The following CFI variants were observed in gnomAD, a reference collection of about 807,000 sequenced individuals.
CFI encodes C3B/C4B inactivator.
CFI carries 66 observed loss-of-function variants against 78.8 expected under a neutral mutation model. The ratio of observed to expected loss-of-function variants is 0.84; its 90% CI spans 0.69 to 1.03. CFI has a LOEUF of 1.03. Among genes scored for constraint, CFI ranks in the 50% least tolerant of loss-of-function variants. CFI has a pLI of 0.00. For missense variants in CFI, 706 were observed against 704.5 expected (o/e 1.00, Z -0.02); for synonymous variants, 250 against 232.6 (o/e 1.07, Z -0.68).
chr4:109,753,213 T>TTCTTA (rs1336216866), intron 7 of CFI, among the ~76,000 whole-genome samples: 1 of 4,816 alleles, frequency 2.1e-4, no homozygotes, highest in African/African-American at 2.6e-4. Flanking sequence ...TAATATATAT[T>TTCTTA]TATAATATAT....
At chr4:109,775,877 T>C (rs1729164133) in intron 1 of CFI, among the ~76,000 whole-genome samples, 1 of 152,006 alleles carries the variant, frequency 6.6e-6, no homozygotes, top group Non-Finnish European at 1.5e-5. Flanking sequence ...GCAAACAGGG[T>C]CTGTAGTGGA....
chr4:109,751,047 T>C (rs1340358080), intron 8 of CFI, among the ~76,000 whole-genome samples: 2 of 152,188 alleles, frequency 1.3e-5, no homozygotes, highest in East Asian at 1.9e-4. Context: ...GGATCCACCA[T>C]CTTGTCTCAC....
intron 8 of CFI, among the ~76,000 whole-genome samples, chr4:109,752,189 T>A (rs1725228632): frequency 6.6e-6 from 1 of 152,300 alleles, no homozygotes; most frequent in Middle Eastern, 3.4e-3. Context: ...CCTGACAAAG[T>A]TCGTTTTAAA....
intron 1 of CFI, among the ~76,000 whole-genome samples, chr4:109,781,945 G>C (rs973161219): frequency 6.6e-6 from 1 of 151,920 alleles, no homozygotes; most frequent in African/African-American, 2.4e-5. Context: ...AAAAGCATTC[G>C]ACAAAATCTA....
chr4:109,775,774 C>T (rs977530283), intron 1 of CFI, among the ~76,000 whole-genome samples: 1 of 152,120 alleles, frequency 6.6e-6, no homozygotes, highest in Non-Finnish European at 1.5e-5. Flanking sequence ...CCTCATACAG[C>T]CGAGTGCCCC....
intron 1 of CFI, among the ~76,000 whole-genome samples, chr4:109,795,217 C>T (rs1210010794): frequency 3.3e-5 from 5 of 152,150 alleles, no homozygotes; most frequent in African/African-American, 4.8e-5. Flanking sequence ...CACACAGTGA[C>T]GGTGGCACCA....
chr4:109,733,868 C>T, the CFI span, among the ~76,000 whole-genome samples: 4 of 152,138 alleles, frequency 2.6e-5, no homozygotes, highest in African/African-American at 9.7e-5. Flanking sequence ...ATAGAAATGG[C>T]TTTTAAAGTC....
intron 7 of CFI, 54 bp from the exon 8 acceptor site, chr4:109,752,557 G>T: frequency 6.9e-7 from 1 of 1,447,746 alleles, no homozygotes; most frequent in Non-Finnish European, 9.7e-7. Context: ...TAGTCAAAAT[G>T]AAATCATTAA....
At chr4:109,760,979 G>C (rs1210176828) in intron 4 of CFI, among the ~76,000 whole-genome samples, 1 of 152,142 alleles carries the variant, frequency 6.6e-6, no homozygotes, top group Non-Finnish European at 1.5e-5. Flanking sequence ...CTACTCCCAA[G>C]ACTTGCTTGG....
chr4:109,797,391 G>A (rs1732186227), intron 1 of CFI, among the ~76,000 whole-genome samples: 1 of 152,164 alleles, frequency 6.6e-6, no homozygotes, highest in Non-Finnish European at 1.5e-5. Flanking sequence ...AACTGAAATT[G>A]GACCCCTATA....
At chr4:109,782,645 A>G (rs960052631) in intron 1 of CFI, among the ~76,000 whole-genome samples, 3 of 151,898 alleles carry the variant, frequency 2.0e-5, no homozygotes, top group African/African-American at 7.3e-5. Flanking sequence ...CCAAAATACC[A>G]CCATCACTTT....
At chr4:109,774,838 G>A (rs1311027722) in intron 1 of CFI, among the ~76,000 whole-genome samples, 1 of 152,080 alleles carries the variant, frequency 6.6e-6, no homozygotes, top group Non-Finnish European at 1.5e-5. Flanking sequence ...CTTCTGCTGG[G>A]TTTGCATATA....
Position 109,760,332 on chromosome 4 carries a change from C to A in CFI, c.821G>T (p.Ser274Ile). 1 of 1,614,174 alleles carries A rather than the reference C, an allele frequency of 6.2e-7. No homozygotes were observed. The highest frequency in any genetic ancestry group is 8.5e-7 in the Non-Finnish European group (1 of 1,180,008). ...FHCKSGVCIP[S>I]QYQCNGEVDC... is the part of the protein sequence containing the mutation. The stretch of plus-strand genomic sequence containing the variant: ...CACCTCACCATTGCATTGATACTGG[C>A]TTGGAATGCAAACACCCGATTTGCA... The change falls in exon 6 of 13, where the codon AGC becomes ATC. Residue 274 changes from serine (S) to isoleucine (I), a missense_variant. By Grantham distance (142) the Ser-to-Ile change is moderately radical (BLOSUM62 -2). Transcript: ENST00000394634.
chr4:109,761,160 A>G (rs921686045), intron 4 of CFI, among the ~76,000 whole-genome samples: 2 of 152,208 alleles, frequency 1.3e-5, no homozygotes. Flanking sequence ...GGTCACTTAA[A>G]GGTTTTAAAT....
At chr4:109,740,640 T>A, downstream of CFI, 2 of 485,024 alleles carry the variant, frequency 4.1e-6, no homozygotes, top group Non-Finnish European at 7.5e-6. Flanking sequence ...CTTCAGTCAA[T>A]AAATCACTCC....
At chr4:109,787,128 C>G (rs1008867108) in intron 1 of CFI, among the ~76,000 whole-genome samples, 4 of 152,036 alleles carry the variant, frequency 2.6e-5, no homozygotes, top group African/African-American at 9.7e-5. Flanking sequence ...AGTTGTATAC[C>G]ACTGAGATTA....
In CFI at chr4:109,746,474, A is replaced by G. The variant is rs1724467156; in HGVS notation, c.1177T>C (p.Trp393Arg). Residue 393 changes from tryptophan (W) to arginine (R), a missense_variant, in exon 11 of 13, where the codon TGG (tryptophan) becomes CGG (arginine). Physicochemically the swap from Trp to Arg is moderately radical, Grantham distance 101. Transcript: ENST00000394634. ...TGTATCCAGTCTACTACTGTTGTCCATATTTGGTAACGATGAGTTTTACTG... is the reference window on the plus strand; with the variant it reads ...TGTATCCAGTCTACTACTGTTGTCCGTATTTGGTAACGATGAGTTTTACTG... ...RASKTHRYQI[W>R]TTVVDWIHPD... The G allele has an allele frequency of 2.5e-6, 4 of 1,612,838 alleles. No homozygotes were observed. The highest frequency in any genetic ancestry group is 1.3e-5 in the African/African-American group (1 of 74,814).
chr4:109,753,750 T>C (rs1298277486), intron 7 of CFI, among the ~76,000 whole-genome samples: 85 of 118,050 alleles, frequency 7.2e-4, no homozygotes, highest in African/African-American at 2.9e-3. Flanking sequence ...TATTATCTAA[T>C]GTATAATTTT....
Position 109,764,681 on chromosome 4 carries a change from C to T in CFI, c.338G>A (p.Ser113Asn), listed in dbSNP as rs150610189. 26 of 1,613,296 alleles carry T rather than the reference C, an allele frequency of 1.6e-5. No homozygotes were observed. In the African/African-American group the frequency reaches 3.2e-4, roughly 20 times the overall value. ...TGTATTTCCATGCTTCAAGGAAACA[C>T]TAAACTTTCCTAAAATAAAAAAACA... ...NGTCTAEGKFSVSLKHGNTDS... is the reference protein window; with the variant it reads ...NGTCTAEGKFNVSLKHGNTDS... Residue 113 changes from serine (S) to asparagine (N), a missense_variant, in exon 3 of 13, where the codon AGT (serine) becomes AAT (asparagine). Coordinates refer to ENST00000394634, the MANE Select transcript of CFI (RefSeq NM_000204.5).
Sources: gnomAD v4.1 joint callset for allele counts (sites outside exome capture counted in the v4.1 genomes callset) on GRCh38, gnomAD v4.1.1 for gene constraint, MANE v1.5 for transcripts, NCBI Gene and HGNC (gene_info 2026-07-23, HGNC 2026-07-21) for gene names.